The following RNF216 variants were observed in gnomAD, a reference collection of about 807,000 sequenced individuals.
RNF216 encodes the protein ring finger protein 216.
RNF216 carries 72 observed loss-of-function variants against 110.8 expected under a neutral mutation model. That is an observed-to-expected ratio of 0.65 (90% CI 0.54 to 0.79). The LOEUF (loss-of-function observed/expected upper bound fraction) is 0.79. RNF216 is among the 30% of genes least tolerant of loss of function. RNF216 has a pLI of 0.00. For missense variants in RNF216, 1,342 were observed against 1,141.2 expected (o/e 1.18, Z -2.54); for synonymous variants, 495 against 407.5 (o/e 1.21, Z -2.59).
intron 13 of RNF216, among the ~76,000 whole-genome samples, chr7:5,685,519 A>T (rs1003567733): frequency 1.3e-5 from 2 of 152,186 alleles, no homozygotes; most frequent in Non-Finnish European, 2.9e-5. Flanking sequence ...TGAAAACAGC[A>T]AGCTACACGG....
intron 1 of RNF216, 58 bp from the exon 2 acceptor site, chr7:5,761,196 G>C (rs1795915593): frequency 3.7e-6 from 2 of 545,026 alleles, no homozygotes; most frequent in Non-Finnish European, 6.3e-6. Flanking sequence ...CTCTTGCCAT[G>C]TATCTGGTCA....
chr7:5,751,318 G>C (rs572062960), intron 3 of RNF216, among the ~76,000 whole-genome samples: 3 of 152,132 alleles, frequency 2.0e-5, no homozygotes, highest in African/African-American at 7.2e-5. Flanking sequence ...CTGGGTGAAA[G>C]CCTAACAAAA....
intron 1 of RNF216, among the ~76,000 whole-genome samples, chr7:5,765,786 A>AT (rs1796173604): frequency 3.4e-5 from 3 of 88,486 alleles, no homozygotes; most frequent in Admixed American, 2.1e-4. Flanking sequence ...CTACTAAAAT[A>AT]CAAAAAAAAA....
chr7:5,738,213 T>C (rs1794545781), intron 5 of RNF216, among the ~76,000 whole-genome samples: 1 of 151,888 alleles, frequency 6.6e-6, no homozygotes, highest in South Asian at 2.1e-4. Flanking sequence ...AAAAAGCATA[T>C]TTACCACTTA....
rs71004702 is a variant in RNF216, at chr7:5,768,346, TACACACACAC to T, written c.-69-7218_-69-7209del. Among the ~76,000 whole-genome samples the T allele has an allele frequency of 2.2e-3, 156 of 71,934 alleles. 2 individuals are homozygous for T. The highest frequency in any genetic ancestry group is 5.2e-3 in the African/African-American group (104 of 19,996). The allele number at this position is 71,934 out of a possible 152,430, so 47.2% of individuals were successfully genotyped here. A position where few individuals can be genotyped will look rare whatever the true frequency, so the allele number is the denominator to read the frequency against. ...GTAGTGGGAGGCCGAGGCAGGCAAA[TACACACACAC>T]ACACACACACACACACACACACACA... On this transcript the variant is annotated intron_variant, in intron 1 of 16. Transcript: ENST00000389902.
At chr7:5,638,761 C>T (rs1787555463) in intron 15 of RNF216, among the ~76,000 whole-genome samples, 3 of 151,780 alleles carry the variant, frequency 2.0e-5, no homozygotes, top group Admixed American at 2.0e-4. Context: ...CCTCAGCCTC[C>T]CAAGTAGCTA....
intron 13 of RNF216, among the ~76,000 whole-genome samples, chr7:5,662,119 T>C (rs1003195115): frequency 2.6e-5 from 4 of 152,194 alleles, no homozygotes; most frequent in African/African-American, 9.6e-5. Context: ...GCTGCAGCTG[T>C]GCAGGATGTC....
intron 13 of RNF216, among the ~76,000 whole-genome samples, chr7:5,653,260 C>T (rs1055101385): frequency 2.0e-5 from 3 of 151,994 alleles, no homozygotes; most frequent in Non-Finnish European, 2.9e-5. Context: ...TTATAAAATG[C>T]TTTCATATGT....
intron 14 of RNF216, among the ~76,000 whole-genome samples, chr7:5,651,526 C>G (rs969939452): frequency 6.6e-6 from 1 of 152,184 alleles, no homozygotes; most frequent in Non-Finnish European, 1.5e-5. Context: ...GCTACCCTGC[C>G]CGGCTGTGAG....
At chr7:5,731,459 A>G (rs1302596109) in intron 5 of RNF216, among the ~76,000 whole-genome samples, 1 of 147,008 alleles carries the variant, frequency 6.8e-6, no homozygotes, top group South Asian at 2.1e-4. Context: ...TATTATCACC[A>G]TGAAATACTT....
chr7:5,646,349 G>A (rs1788046352), intron 14 of RNF216, among the ~76,000 whole-genome samples: 1 of 151,602 alleles, frequency 6.6e-6, no homozygotes, highest in Non-Finnish European at 1.5e-5. Context: ...ACTCCAGACG[G>A]GGTGACAAGG....
intron 13 of RNF216, among the ~76,000 whole-genome samples, chr7:5,686,401 C>A: frequency 6.6e-6 from 1 of 152,066 alleles, no homozygotes; most frequent in East Asian, 1.9e-4. Flanking sequence ...AAAACAGGAT[C>A]CCCATTTCTC....
At chr7:5,652,377 A>C (rs1169385315) in intron 14 of RNF216, 36 bp downstream of exon 14, 2 of 1,450,776 alleles carry the variant, frequency 1.4e-6, no homozygotes, top group East Asian at 4.5e-5. Flanking sequence ...GGAAGTTGAG[A>C]ATCAGCCCAT....
rs57431557 is a variant in RNF216, at chr7:5,683,692, T to C, written c.2061+28069A>G. On this transcript the variant is annotated intron_variant, in intron 13 of 16. Transcript: ENST00000389902. ...GGAGAATGAGGACAATGTCAGCACC[T>C]TCCTCTCAGGGTTACTGTGAGGATT... Among the ~76,000 whole-genome samples the C allele has an allele frequency of 8.6e-3, 1,317 of 152,318 alleles. 12 individuals are homozygous for C. The highest frequency in any genetic ancestry group is 0.029 in the African/African-American group (1,195 of 41,562).
At chr7:5,763,509 A>C (rs1363449979) in intron 1 of RNF216, among the ~76,000 whole-genome samples, 3 of 152,074 alleles carry the variant, frequency 2.0e-5, no homozygotes, top group Non-Finnish European at 4.4e-5. Flanking sequence ...AGGCACCTGT[A>C]ATCCCAGGTA....
intron 1 of RNF216, among the ~76,000 whole-genome samples, chr7:5,768,333 C>T (rs1401125636): frequency 2.1e-5 from 1 of 48,242 alleles, no homozygotes. Context: ...AGTGGGAGGC[C>T]GAGGCAGGCA....
chr7:5,688,270 A>C (rs1791110609), intron 13 of RNF216, among the ~76,000 whole-genome samples: 1 of 152,254 alleles, frequency 6.6e-6, no homozygotes, highest in South Asian at 2.1e-4. Context: ...ACTAGACAGT[A>C]AATTGAGCCA....
At chr7:5,715,383 T>C (rs1464231579) in intron 10 of RNF216, among the ~76,000 whole-genome samples, 193 bp from the exon 11 acceptor site, 1 of 152,202 alleles carries the variant, frequency 6.6e-6, no homozygotes, top group Admixed American at 6.5e-5. Flanking sequence ...ACAGTATTAA[T>C]CCATACCTAA....
At chr7:5,757,451 TC>T (rs1795703423) in intron 2 of RNF216, among the ~76,000 whole-genome samples, 1 of 152,188 alleles carries the variant, frequency 6.6e-6, no homozygotes. Context: ...GTACCTTTTT[TC>T]CTTCCTAACA....
Sources: allele counts gnomAD v4.1 joint callset (sites outside exome capture counted in the v4.1 genomes callset), GRCh38; gene constraint gnomAD v4.1.1; transcripts MANE v1.5; gene names NCBI Gene and HGNC (gene_info 2026-07-23, HGNC 2026-07-21).